Variants in FGD6 observed in about 807,000 individuals in gnomAD.
FGD6 encodes FYVE, RhoGEF and PH domain-containing protein 6.
FGD6 carries 90 observed loss-of-function variants against 149.4 expected under a neutral mutation model. The ratio of observed to expected loss-of-function variants is 0.60; its 90% CI spans 0.51 to 0.72. The LOEUF (loss-of-function observed/expected upper bound fraction) is 0.72, where lower values mean the gene tolerates loss of function less well. Ranked by LOEUF, FGD6 falls within the 30% of genes least tolerant of loss-of-function variation. The probability of loss-of-function intolerance (pLI) is 0.00; values close to 1 mark genes in which losing one functional copy is unlikely to be tolerated. For missense variants in FGD6, 1,437 were observed against 1,684.8 expected, an observed-to-expected ratio of 0.85 and a Z score of 2.57; for synonymous variants, 527 against 584.0, an observed-to-expected ratio of 0.90 and a Z score of 1.41.
chr12:95,092,169 G>A (rs1279331840), intron 16 of FGD6, among the ~76,000 whole-genome samples: 1 of 152,126 alleles, frequency 6.6e-6, no homozygotes, highest in Admixed American at 6.6e-5. Flanking sequence ...CTGCAGCAAC[G>A]ACCACGTCTC....
At chr12:95,216,334 T>C (rs968250120) in intron 1 of FGD6, among the ~76,000 whole-genome samples, 9 of 152,198 alleles carry the variant, frequency 5.9e-5, no homozygotes, top group African/African-American at 1.9e-4. Context: ...TTAAACTATT[T>C]CACTATAAAA....
chr12:95,187,409 C>CGGGCAGATCATGAGGT (rs60900428), intron 2 of FGD6, among the ~76,000 whole-genome samples: 1 of 150,814 alleles, frequency 6.6e-6, no homozygotes. Context: ...GAGGCCGAGG[C>CGGGCAGATCATGAGGT]GGGCAGATCA....
Position 95,094,541 on chromosome 12 carries a change from G to GT in FGD6, c.3600+50dup, listed in dbSNP as rs745555813. ...CTTAAACCCCTGTGAAATGTTTAAGGTAAAAACTTTGAAATGCACTGGAAA... is the reference window on the plus strand; with the variant it reads ...CTTAAACCCCTGTGAAATGTTTAAGGTTAAAAACTTTGAAATGCACTGGAAA... On this transcript the variant is annotated intron_variant, in intron 15 of 20. Transcript: ENST00000343958. The GT allele has an allele frequency of 3.1e-6, 4 of 1,306,394 alleles. No individual in the cohort carries two copies. The African/African-American group carries it at 6.0e-5, about 20-fold the overall frequency. 80.9% of individuals were successfully genotyped at this position (1,306,394 alleles called of 1,614,324 possible).
intron 2 of FGD6, among the ~76,000 whole-genome samples, chr12:95,201,456 A>G (rs992093173): frequency 1.3e-5 from 2 of 152,174 alleles, no homozygotes; most frequent in Admixed American, 1.3e-4. Flanking sequence ...TAGAAGCTAA[A>G]TATGTTCTTG....
chr12:95,156,772 TA>T, intron 3 of FGD6, among the ~76,000 whole-genome samples: 1 of 152,282 alleles, frequency 6.6e-6, no homozygotes, highest in East Asian at 1.9e-4. Flanking sequence ...CACTCAGCTT[TA>T]AAATTTCCCA....
At chr12:95,171,226 T>G (rs1039958896) in intron 3 of FGD6, among the ~76,000 whole-genome samples, 1 of 152,170 alleles carries the variant, frequency 6.6e-6, no homozygotes, top group Non-Finnish European at 1.5e-5. Flanking sequence ...CGTGGGCCAT[T>G]CATTTAAGCC....
At chr12:95,125,694 T>C (rs1879316236) in intron 8 of FGD6, 2 of 502,208 alleles carry the variant, frequency 4.0e-6, no homozygotes, top group East Asian at 3.8e-5. Flanking sequence ...TTCAATACTA[T>C]CTCTCAAAAT....
In FGD6 at chr12:95,209,893, T is replaced by C. The variant is rs772443736; in HGVS notation, c.1391A>G (p.Asn464Ser). The change falls in exon 2 of 21, where the codon AAT (asparagine) becomes AGT (serine). Residue 464 changes from asparagine to serine, a missense_variant. This residue lies in a region of FGD6 where 1,055 missense variants were observed against 1,146.0 expected (regional missense o/e 0.92). Transcript: ENST00000343958. ...SLPKQLKLTC[N>S]EHLQSGRNLG... ...GTTTCTCCCAGATTGCAAATGTTCA[T>C]TGCAAGTTAATTTGAGCTGCTTAGG... The C allele has an allele frequency of 1.7e-5, 28 of 1,613,288 alleles. No homozygotes were observed. Among genetic ancestry groups the C allele is most frequent in the Non-Finnish European group, 1.8e-5 (21 of 1,179,928 alleles).
At chr12:95,162,113 A>AAAG (rs1163097223) in intron 3 of FGD6, among the ~76,000 whole-genome samples, 1 of 151,592 alleles carries the variant, frequency 6.6e-6, no homozygotes, top group African/African-American at 2.4e-5. Flanking sequence ...AAAAAAAAAA[A>AAAG]AAAAAAGCCA....
At chr12:95,102,661 T>C (rs1425089355) in intron 14 of FGD6, among the ~76,000 whole-genome samples, 5 of 152,112 alleles carry the variant, frequency 3.3e-5, no homozygotes, top group Admixed American at 3.3e-4. Context: ...TCATCCTGTA[T>C]GTCAGGCAGC....
At chr12:95,152,460 A>C (rs1880340842) in intron 5 of FGD6, among the ~76,000 whole-genome samples, 1 of 152,206 alleles carries the variant, frequency 6.6e-6, no homozygotes, top group Non-Finnish European at 1.5e-5. Context: ...AAAATTGCCT[A>C]TTTCAAATCT....
intron 8 of FGD6, among the ~76,000 whole-genome samples, chr12:95,117,584 G>A (rs558246467): frequency 9.7e-4 from 147 of 152,046 alleles, no homozygotes; most frequent in Non-Finnish European, 1.7e-3. Context: ...GTACTACCAC[G>A]TTGGGCTAAG....
chr12:95,094,304 A>G (rs1413282859), intron 15 of FGD6, among the ~76,000 whole-genome samples: 1 of 152,212 alleles, frequency 6.6e-6, no homozygotes, highest in Non-Finnish European at 1.5e-5. Flanking sequence ...ATGGCAGCTG[A>G]TTAGTTTCTG....
chr12:95,151,269 T>TTTTTG (rs890187469), intron 5 of FGD6, among the ~76,000 whole-genome samples: 4 of 152,030 alleles, frequency 2.6e-5, no homozygotes, highest in African/African-American at 7.2e-5. Context: ...CAGGCCCCTA[T>TTTTTG]TTTTGTTTTG....
chr12:95,143,764 C>T (rs938645429), intron 5 of FGD6, among the ~76,000 whole-genome samples: 4 of 152,184 alleles, frequency 2.6e-5, no homozygotes, highest in African/African-American at 9.7e-5. Context: ...AATACATTTA[C>T]ACATCATGAA....
intron 2 of FGD6, 70 bp downstream of exon 2, chr12:95,208,773 C>T: frequency 1.3e-6 from 2 of 1,517,496 alleles, no homozygotes; most frequent in South Asian, 2.6e-5. Flanking sequence ...CCCCTGCATT[C>T]CTAACTCACC....
chr12:95,125,944 T>C, intron 8 of FGD6: 1 of 1,458,134 alleles, frequency 6.9e-7, no homozygotes, highest in Non-Finnish European at 9.6e-7. Flanking sequence ...GATTTCATCC[T>C]CAAGTTTCCA....
intron 2 of FGD6, among the ~76,000 whole-genome samples, chr12:95,207,525 A>G (rs1448132957): frequency 1.3e-5 from 2 of 152,198 alleles, no homozygotes; most frequent in African/African-American, 2.4e-5. Context: ...TTTTTGTTAA[A>G]CACAAACAAA....
intron 11 of FGD6, 112 bp from the exon 12 acceptor site, chr12:95,107,743 C>T: frequency 1.9e-6 from 2 of 1,037,496 alleles, no homozygotes; most frequent in South Asian, 1.4e-5. Context: ...GACTGGGGAG[C>T]CACAGTTTCC....
Sources: allele counts gnomAD v4.1 joint callset (sites outside exome capture counted in the v4.1 genomes callset), GRCh38; gene constraint gnomAD v4.1.1; regional missense constraint gnomAD v4.1.1; transcripts MANE v1.5; gene names NCBI Gene and HGNC (gene_info 2026-07-23, HGNC 2026-07-21).